The following ZNF638 variants were observed in gnomAD, a reference collection of about 807,000 sequenced individuals.
ZNF638 encodes zinc finger protein 638.
Under a neutral mutation model 195.6 loss-of-function variants are expected in ZNF638, and 46 were observed. The ratio of observed to expected loss-of-function variants is 0.24; its 90% confidence interval spans 0.19 to 0.30. The LOEUF is 0.30. Among genes scored for constraint, ZNF638 ranks in the 10% least tolerant of loss-of-function variants. The pLI, the probability that ZNF638 is intolerant of heterozygous loss-of-function variation, is 1.00. For synonymous variants in ZNF638, 845 were observed against 772.0 expected, an observed-to-expected ratio of 1.09 and a Z score of -1.57; for missense variants, 2,440 against 2,325.3, an observed-to-expected ratio of 1.05 and a Z score of -1.01.
Position 71,368,372 on chromosome 2 carries a change from C to G in ZNF638, c.1996-10C>G, listed in dbSNP as rs997233185. On this transcript the variant is annotated splice_polypyrimidine_tract_variant and intron_variant, in intron 6 of 27. Transcript: ENST00000264447. The stretch of plus-strand genomic sequence containing the variant: ...GGTTTATTTTAAATTTTCTTTCACT[C>G]CAAAAATAGCTTCGGAAAGAACAGT... The G allele has an allele frequency of 3.2e-5, 51 of 1,602,568 alleles. No homozygotes were observed. Among genetic ancestry groups the G allele is most frequent in the Non-Finnish European group, 4.2e-5 (49 of 1,176,014 alleles).
At chr2:71,341,488 A>G (rs908848777) in intron 1 of ZNF638, among the ~76,000 whole-genome samples, 1 of 152,140 alleles carries the variant, frequency 6.6e-6, no homozygotes, top group East Asian at 1.9e-4. Context: ...ATGAACGTAC[A>G]CTAAAGTAGA....
chr2:71,379,033 G>C lies in ZNF638; in HGVS notation c.2266-1189G>C, dbSNP rs557499941. Among the ~76,000 whole-genome samples, 5 of 152,250 alleles carry C rather than the reference G, an allele frequency of 3.3e-5. No individual in the cohort carries two copies. The South Asian group carries it at 1.0e-3, about 32-fold the overall frequency. On this transcript the variant is annotated intron_variant, in intron 8 of 27. Coordinates refer to ENST00000264447, the MANE Select transcript of ZNF638 (RefSeq NM_014497.5). Reference sequence around the variant, plus strand: ...GTCTAATGAGAGGTTTTGAGTTGTGGAACAGCAGGTTCAGTCTGGGTTTAT... The same window carrying C: ...GTCTAATGAGAGGTTTTGAGTTGTGCAACAGCAGGTTCAGTCTGGGTTTAT...
At chr2:71,418,018 T>C (rs561265822) in intron 20 of ZNF638, among the ~76,000 whole-genome samples, 1 of 152,216 alleles carries the variant, frequency 6.6e-6, no homozygotes, top group African/African-American at 2.4e-5. Flanking sequence ...TTTTGTTCAC[T>C]GATGCATCCC....
intron 22 of ZNF638, 108 bp downstream of exon 22, chr2:71,424,146 C>A: frequency 2.1e-6 from 3 of 1,408,106 alleles, no homozygotes; most frequent in Admixed American, 2.5e-5. Context: ...CATCTCCTCA[C>A]TCTACCCCGG....
chr2:71,405,077 A>T (rs1321759157), intron 17 of ZNF638, among the ~76,000 whole-genome samples: 1 of 151,968 alleles, frequency 6.6e-6, no homozygotes, highest in African/African-American at 2.4e-5. Flanking sequence ...TAGGATCCTC[A>T]GTCTTATAAA....
At chr2:71,420,963 A>T (rs769090911) in intron 21 of ZNF638, among the ~76,000 whole-genome samples, 17 of 152,206 alleles carry the variant, frequency 1.1e-4, no homozygotes, top group Non-Finnish European at 2.4e-4. Flanking sequence ...ATGGAACTGC[A>T]TAATGGTTCA....
chr2:71,388,610 G>A (rs772032842), intron 10 of ZNF638: 16 of 795,566 alleles, frequency 2.0e-5, no homozygotes, highest in South Asian at 4.0e-5. Context: ...TTTTTCATCC[G>A]TCGCTCGGCC....
At chr2:71,395,028 CA>C (rs373223533) in intron 10 of ZNF638, among the ~76,000 whole-genome samples, 127 of 152,304 alleles carry the variant, frequency 8.3e-4, no homozygotes, top group African/African-American at 2.9e-3. Context: ...GGTGAAACAA[CA>C]CCTCGGGGTG....
chr2:71,370,394 C>T (rs1053110144), intron 8 of ZNF638, among the ~76,000 whole-genome samples: 4 of 152,118 alleles, frequency 2.6e-5, no homozygotes, highest in African/African-American at 9.7e-5. Context: ...TTGAGTTTTG[C>T]CTGTTTTCAA....
rs563089945 is a variant in ZNF638, at chr2:71,411,043, G to C, written c.3261+2796G>C. ...GATGGAGCCTGGCTCTGTTGTCCAG[G>C]CTGGAGTGCAGTGGCGTGACCTCGG... On this transcript the variant is annotated intron_variant, in intron 20 of 27. Transcript: ENST00000264447. Among the ~76,000 whole-genome samples, 5 of 130,740 alleles carry C rather than the reference G, an allele frequency of 3.8e-5. No homozygotes were observed. In the South Asian group the frequency reaches 9.5e-4, roughly 25 times the overall value. The allele number at this position is 130,740 out of a possible 152,430, so 85.8% of individuals were successfully genotyped here. A position where few individuals can be genotyped will look rare whatever the true frequency, so the allele number is the denominator to read the frequency against.
chr2:71,392,228 C>T (rs144664590), intron 10 of ZNF638, among the ~76,000 whole-genome samples: 207 of 152,320 alleles, frequency 1.4e-3, no homozygotes, highest in African/African-American at 4.8e-3. Flanking sequence ...TATTTCAGTT[C>T]TTATCTCATA....
intron 27 of ZNF638, 59 bp downstream of exon 27, chr2:71,433,342 A>G: frequency 3.3e-6 from 4 of 1,216,000 alleles, no homozygotes; most frequent in South Asian, 2.5e-5. Flanking sequence ...GAATCAAATT[A>G]TTTATCTCCC....
At chr2:71,434,324 A>C (rs1355075082) in intron 27 of ZNF638, among the ~76,000 whole-genome samples, 1 of 152,138 alleles carries the variant, frequency 6.6e-6, no homozygotes, top group African/African-American at 2.4e-5. Context: ...TTTCGTCTCA[A>C]ATATCAGTTC....
At chr2:71,412,645 AT>A (rs1194834024) in intron 20 of ZNF638, among the ~76,000 whole-genome samples, 1 of 99,632 alleles carries the variant, frequency 1.0e-5, no homozygotes, top group Admixed American at 1.2e-4. Context: ...TTTTGAATTG[AT>A]TTTTGTATAA....
chr2:71,344,388 G>T (rs534798088), intron 1 of ZNF638, among the ~76,000 whole-genome samples: 1 of 152,288 alleles, frequency 6.6e-6, no homozygotes, highest in Non-Finnish European at 1.5e-5. Context: ...AATTGCAGAA[G>T]CATGAAAAGG....
intron 25 of ZNF638, 47 bp from the exon 26 acceptor site, chr2:71,431,280 G>A (rs778096862): frequency 1.1e-5 from 17 of 1,495,940 alleles, no homozygotes; most frequent in Admixed American, 1.9e-5. Flanking sequence ...ACTTTACAAA[G>A]TCTGTAAATC....
At chr2:71,369,461 A>G (rs2104298008) in intron 7 of ZNF638, among the ~76,000 whole-genome samples, 1 of 152,312 alleles carries the variant, frequency 6.6e-6, no homozygotes, top group African/African-American at 2.4e-5. Context: ...CAACATAGCA[A>G]GACCTCTGTC....
intron 8 of ZNF638, chr2:71,374,741 A>T (rs375397549): frequency 6.6e-6 from 1 of 152,346 alleles, no homozygotes; most frequent in African/African-American, 2.4e-5. Flanking sequence ...CAATACGATG[A>T]AACCCTGTCT....
chr2:71,424,777 C>G, intron 23 of ZNF638, 62 bp downstream of exon 23: 1 of 1,339,088 alleles, frequency 7.5e-7, no homozygotes, highest in South Asian at 1.3e-5. Context: ...GTTCATCTAT[C>G]TTATAACTTG....
Sources: gnomAD v4.1 joint callset for allele counts (sites outside exome capture counted in the v4.1 genomes callset) on GRCh38, gnomAD v4.1.1 for gene constraint, MANE v1.5 for transcripts, NCBI Gene and HGNC (gene_info 2026-07-23, HGNC 2026-07-21) for gene names.